Variants in WWP2 observed in about 807,000 individuals in gnomAD.
WWP2 encodes WW domain containing E3 ubiquitin protein ligase 2.
WWP2 carries 57 observed loss-of-function variants against 121.0 expected under a neutral mutation model. The observed-to-expected ratio is 0.47, with a 90% CI of 0.38 to 0.59. WWP2 has a LOEUF of 0.59. WWP2 is among the 20% of genes least tolerant of loss of function. The pLI, the probability that WWP2 is intolerant of heterozygous loss-of-function variation, is 0.00. For missense variants in WWP2, 962 were observed against 1,158.9 expected (o/e 0.83, Z 2.47); for synonymous variants, 449 against 441.3 (o/e 1.02, Z -0.22).
intron 2 of WWP2, chr16:69,787,898 A>G (rs1200325162): frequency 6.6e-6 from 1 of 152,436 alleles, no homozygotes. Context: ...GATCTTCAAA[A>G]TGTGTCACTC....
intron 2 of WWP2, 127 bp from the exon 3 acceptor site, chr16:69,798,555 A>G: frequency 5.1e-6 from 6 of 1,169,824 alleles, no homozygotes; most frequent in Non-Finnish European, 2.3e-6. Flanking sequence ...TTTTAGAATC[A>G]AGACAAAACA....
At chr16:69,827,230 C>T (rs1445237857) in intron 4 of WWP2, among the ~76,000 whole-genome samples, 1 of 150,720 alleles carries the variant, frequency 6.6e-6, no homozygotes, top group Non-Finnish European at 1.5e-5. Context: ...ACTGCTCAAA[C>T]ACAACTTATC....
chr16:69,816,303 C>T lies in WWP2; in HGVS notation c.340+17008C>T, dbSNP rs78567017. Among the ~76,000 whole-genome samples, 874 of 151,604 alleles carry T rather than the reference C, an allele frequency of 5.8e-3. 11 individuals are homozygous for T. Among genetic ancestry groups the T allele is most frequent in the African/African-American group, 0.02 (835 of 41,340 alleles). On this transcript the variant is annotated intron_variant, in intron 4 of 23. Transcript: ENST00000359154. ...ACCACAATTAAAAATAATTACTTAG[C>T]CCAGTGCAGTGGCTCACGCTTGTAA... is the stretch of plus-strand genomic sequence containing the variant.
chr16:69,840,258 C>A lies in WWP2; in HGVS notation c.473C>A (p.Thr158Lys), dbSNP rs200683787. 68 of 1,613,864 alleles carry A rather than the reference C, an allele frequency of 4.2e-5. No individual in the cohort carries two copies. The highest frequency in any genetic ancestry group is 5.3e-5 in the Non-Finnish European group (63 of 1,179,958). Residue 158 changes from threonine (T) to lysine (K), a missense_variant, in exon 5 of 24, where the codon ACA becomes AAA. Physicochemically the swap from Thr to Lys is moderately conservative, Grantham distance 78. Transcript: ENST00000359154. ...AATGTGCCTAATGGCAGTGCCCTGACAGATGGTGAGTGCCGCCCTGCTCCT... is the reference window on the plus strand; with the variant it reads ...AATGTGCCTAATGGCAGTGCCCTGAAAGATGGTGAGTGCCGCCCTGCTCCT... ...LGNVPNGSAL[T>K]DGSQLPSRDS...
chr16:69,825,511 T>C (rs571726110), intron 4 of WWP2, among the ~76,000 whole-genome samples: 1 of 152,058 alleles, frequency 6.6e-6, no homozygotes, highest in Admixed American at 6.5e-5. Flanking sequence ...GGAGTAGGTG[T>C]CATAGTTTAC....
chr16:69,816,431 C>T (rs2056491671), intron 4 of WWP2, among the ~76,000 whole-genome samples: 1 of 148,244 alleles, frequency 6.7e-6, no homozygotes, highest in African/African-American at 2.5e-5. Context: ...AAAAAAAAAT[C>T]TATATCTATA....
intron 4 of WWP2, among the ~76,000 whole-genome samples, chr16:69,826,005 G>A (rs1425030434): frequency 2.0e-5 from 3 of 152,120 alleles, no homozygotes; most frequent in Non-Finnish European, 2.9e-5. Context: ...GGTGGCTCAT[G>A]CCTGTAATCC....
intron 2 of WWP2, among the ~76,000 whole-genome samples, chr16:69,796,709 G>A (rs751515381): frequency 2.0e-5 from 3 of 152,138 alleles, no homozygotes; most frequent in Non-Finnish European, 4.4e-5. Context: ...AGTTAACCTT[G>A]GTCCGTGTGT....
At chr16:69,812,242 C>G (rs903296432) in intron 4 of WWP2, among the ~76,000 whole-genome samples, 11 of 138,064 alleles carry the variant, frequency 8.0e-5, no homozygotes, top group African/African-American at 3.0e-4. Context: ...TCTTGGCTAA[C>G]TGCAACCTCT....
chr16:69,916,189 T>G (rs1367593757), intron 9 of WWP2, among the ~76,000 whole-genome samples: 4 of 150,786 alleles, frequency 2.7e-5, no homozygotes, highest in South Asian at 2.1e-4. Context: ...AATGGAAGTG[T>G]TGTTGTTGTT....
intron 2 of WWP2, among the ~76,000 whole-genome samples, 186 bp from the exon 3 acceptor site, chr16:69,798,496 T>TA (rs2056093815): frequency 6.6e-6 from 1 of 151,762 alleles, no homozygotes; most frequent in African/African-American, 2.4e-5. Flanking sequence ...TTTTTTTTTT[T>TA]ACACTTCATA....
At chr16:69,877,506 C>T (rs1348843795) in intron 7 of WWP2, among the ~76,000 whole-genome samples, 3 of 152,198 alleles carry the variant, frequency 2.0e-5, no homozygotes, top group African/African-American at 4.8e-5. Flanking sequence ...ACTTTCTTAT[C>T]ACTCAAGTGT....
chr16:69,780,381 G>A (rs748812131), intron 1 of WWP2, among the ~76,000 whole-genome samples: 41 of 149,002 alleles, frequency 2.8e-4, no homozygotes, highest in South Asian at 6.2e-4. Context: ...TTCCCCCATT[G>A]ATGGGTATTT....
chr16:69,845,950 T>G (rs998591154), intron 6 of WWP2, among the ~76,000 whole-genome samples: 2 of 144,014 alleles, frequency 1.4e-5, no homozygotes, highest in Non-Finnish European at 1.5e-5. Context: ...CTCAGAAGGC[T>G]GAGGCAGGAG....
chr16:69,807,900 A>C (rs1312032142), intron 4 of WWP2, among the ~76,000 whole-genome samples: 2 of 151,348 alleles, frequency 1.3e-5, no homozygotes, highest in African/African-American at 4.9e-5. Flanking sequence ...TAGAGGCTGC[A>C]GTAAGCTGTA....
At chr16:69,874,847 G>A (rs2057707942) in intron 7 of WWP2, among the ~76,000 whole-genome samples, 1 of 152,046 alleles carries the variant, frequency 6.6e-6, no homozygotes, top group African/African-American at 2.4e-5. Context: ...CTAGGTCTTA[G>A]TTTTCTCATT....
At position 69,941,457 on chromosome 16, in the gene WWP2, G is replaced by A. The variant is rs1052429; in HGVS notation, c.*1517G>A. 123,566 of 153,760 alleles carry A rather than the reference G, an allele frequency of 0.8. 50,160 individuals are homozygous for A. Among genetic ancestry groups the A allele is most frequent in the East Asian group, 0.96 (4,949 of 5,144 alleles). 9.5% of individuals were successfully genotyped at this position (153,760 alleles called of 1,614,324 possible). A position where few individuals can be genotyped will look rare whatever the true frequency, so the allele number is the denominator to read the frequency against. ...GAGTGGCTTAGCTTGCCACAGCGCA[G>A]CCTCTTCTGTCCCTTTCAGTCATTT... On this transcript the variant is annotated 3_prime_UTR_variant, in exon 24 of 24. Transcript: ENST00000359154.
At chr16:69,927,328 C>G (rs1331744645) in intron 11 of WWP2, among the ~76,000 whole-genome samples, 1 of 152,120 alleles carries the variant, frequency 6.6e-6, no homozygotes, top group African/African-American at 2.4e-5. Flanking sequence ...GCTGGTGTCC[C>G]TCTCTGCTGC....
intron 6 of WWP2, among the ~76,000 whole-genome samples, chr16:69,862,506 C>A (rs1233735119): frequency 6.6e-6 from 1 of 152,042 alleles, no homozygotes; most frequent in Non-Finnish European, 1.5e-5. Flanking sequence ...CCACCTCGGC[C>A]TTCCAAAGTG....
Sources: allele counts gnomAD v4.1 joint callset (sites outside exome capture counted in the v4.1 genomes callset), GRCh38; gene constraint gnomAD v4.1.1; transcripts MANE v1.5; gene names NCBI Gene and HGNC (gene_info 2026-07-23, HGNC 2026-07-21).